The following NRXN1 variants were observed in gnomAD, a reference collection of about 807,000 sequenced individuals.
NRXN1 encodes neurexin 1.
Under a neutral mutation model 150.9 loss-of-function variants are expected in NRXN1, and 39 were observed. That is an observed-to-expected ratio of 0.26 (90% CI 0.20 to 0.34). The LOEUF (loss-of-function observed/expected upper bound fraction) is 0.34. NRXN1 is among the 10% of genes least tolerant of loss of function. The pLI is 1.00. For synonymous variants in NRXN1, 924 were observed against 757.0 expected (o/e 1.22, Z -3.62); for missense variants, 1,815 against 1,949.9 (o/e 0.93, Z 1.30).
At chr2:50,676,063 G>T (rs773098804) in intron 5 of NRXN1, among the ~76,000 whole-genome samples, 1 of 152,114 alleles carries the variant, frequency 6.6e-6, no homozygotes, top group Admixed American at 6.6e-5. Flanking sequence ...TAGGTGTTTG[G>T]GTCATGGGGG....
chr2:50,373,669 A>AAGAAAGAAG lies in NRXN1; in HGVS notation c.3364+91772_3364+91773insCTTCTTTCT, dbSNP rs1156301635. ...AAGAAAGAAAGAAAGAAAGAAAGAA[A>AAGAAAGAAG]GAAAGAAAGAAAAGAAAGAAGGAAA... On this transcript the variant is annotated intron_variant, in intron 17 of 22. Transcript: ENST00000401669. Among the ~76,000 whole-genome samples the AAGAAAGAAG allele has an allele frequency of 2.4e-3, 273 of 114,378 alleles. 1 individual carries two copies. Among genetic ancestry groups the AAGAAAGAAG allele is most frequent in the African/African-American group, 8.8e-3 (224 of 25,376 alleles). The allele number at this position is 114,378 out of a possible 152,430, so 75.0% of individuals were successfully genotyped here.
rs1427036726 is a variant in NRXN1 at position 50,329,646 on chromosome 2, TATATATATATATATATATATATATATA to T, written c.3365-92703_3365-92677del. Among the ~76,000 whole-genome samples, 38 of 7,692 alleles carry T rather than the reference TATATATATATATATATATATATATATA, an allele frequency of 4.9e-3. 2 individuals are homozygous for T. The East Asian group carries it at 0.05, about 10-fold the overall frequency. 5.0% of individuals were successfully genotyped at this position (7,692 alleles called of 152,430 possible). On this transcript the variant is annotated intron_variant, in intron 17 of 22. Coordinates refer to ENST00000401669, the MANE Select transcript of NRXN1 (RefSeq NM_001330078.2). ...ATATATATATATATATATATATATA[TATATATATATATATATATATATATATA>T]TTTTTTTTTTTCCCCCCCGAGACGG...
chr2:50,776,331 T>C (rs950074723), intron 5 of NRXN1, among the ~76,000 whole-genome samples: 5 of 152,086 alleles, frequency 3.3e-5, no homozygotes, highest in Admixed American at 6.6e-5. Flanking sequence ...CATGTTATCA[T>C]TTATATAGAA....
At chr2:50,126,525 T>C (rs1704615399) in intron 18 of NRXN1, among the ~76,000 whole-genome samples, 2 of 152,218 alleles carry the variant, frequency 1.3e-5, no homozygotes, top group African/African-American at 4.8e-5. Flanking sequence ...GCAAGTAAGA[T>C]ATAATAGAAG....
At chr2:50,190,936 G>A (rs746394907) in intron 18 of NRXN1, among the ~76,000 whole-genome samples, 1 of 152,038 alleles carries the variant, frequency 6.6e-6, no homozygotes, top group Non-Finnish European at 1.5e-5. Context: ...ATTTTAAAGT[G>A]TTAACACAAT....
intron 22 of NRXN1, among the ~76,000 whole-genome samples, chr2:49,939,600 G>A (rs1465470436): frequency 4.6e-5 from 7 of 152,138 alleles, no homozygotes; most frequent in African/African-American, 1.7e-4. Flanking sequence ...GTTTTAACAT[G>A]CACAGTTCCC....
chr2:50,096,847 T>C (rs1700295254), intron 18 of NRXN1, among the ~76,000 whole-genome samples: 1 of 152,242 alleles, frequency 6.6e-6, no homozygotes, highest in African/African-American at 2.4e-5. Context: ...AGTGGCACCA[T>C]AGTTTAATGC....
At chr2:50,536,913 G>T (rs1267061655) in intron 10 of NRXN1, among the ~76,000 whole-genome samples, 2 of 152,154 alleles carry the variant, frequency 1.3e-5, no homozygotes, top group Non-Finnish European at 2.9e-5. Context: ...CTATCATAAA[G>T]AGAATGAATA....
chr2:50,973,633 G>C (rs554781345), intron 2 of NRXN1, among the ~76,000 whole-genome samples: 33 of 151,892 alleles, frequency 2.2e-4, no homozygotes, highest in African/African-American at 8.0e-4. Context: ...ACACTCAAGC[G>C]ACAAATAAAA....
chr2:50,654,885 C>A (rs1208370574), intron 5 of NRXN1, among the ~76,000 whole-genome samples: 1 of 151,988 alleles, frequency 6.6e-6, no homozygotes, highest in East Asian at 1.9e-4. Context: ...TATAGTGATT[C>A]CATTCAAAGG....
intron 17 of NRXN1, among the ~76,000 whole-genome samples, chr2:50,303,309 G>C (rs2074331645): frequency 6.6e-6 from 1 of 152,086 alleles, no homozygotes; most frequent in African/African-American, 2.4e-5. Context: ...CTGGACAAAA[G>C]AATGTTACTT....
intron 2 of NRXN1, among the ~76,000 whole-genome samples, chr2:50,951,281 A>G (rs1691289561): frequency 6.6e-6 from 1 of 152,162 alleles, no homozygotes; most frequent in East Asian, 1.9e-4. Context: ...ATGCATATGC[A>G]TATATGGATT....
chr2:50,975,843 C>T (rs1386387512), intron 2 of NRXN1, among the ~76,000 whole-genome samples: 2 of 151,986 alleles, frequency 1.3e-5, no homozygotes, highest in Non-Finnish European at 2.9e-5. Flanking sequence ...GAAGGGCTAA[C>T]CCAAGAGCAG....
rs114150315 is a variant in NRXN1, at chr2:50,222,190, G to A, written c.3546+14599C>T. Among the ~76,000 whole-genome samples, 519 of 152,056 alleles carry A rather than the reference G, an allele frequency of 3.4e-3. 2 individuals carry two copies. Among genetic ancestry groups the A allele is most frequent in the Non-Finnish European group, 5.3e-3 (361 of 67,960 alleles). Reference sequence around the variant, plus strand: ...AAGCCACATTTTACTGAAAAGAGCCGCATGCTTCATGAAATAGTTATCCAA... The same window carrying A: ...AAGCCACATTTTACTGAAAAGAGCCACATGCTTCATGAAATAGTTATCCAA... On this transcript the variant is annotated intron_variant, in intron 18 of 22. Transcript: ENST00000401669.
intron 17 of NRXN1, among the ~76,000 whole-genome samples, chr2:50,446,596 C>T (rs1293413232): frequency 7.1e-6 from 1 of 141,164 alleles, no homozygotes; most frequent in Non-Finnish European, 1.5e-5. Context: ...CTTCCTTCCT[C>T]CCTCCCTCCC....
At chr2:50,974,174 T>C (rs1695471123) in intron 2 of NRXN1, among the ~76,000 whole-genome samples, 1 of 152,198 alleles carries the variant, frequency 6.6e-6, no homozygotes, top group South Asian at 2.1e-4. Context: ...TCTCATGATG[T>C]GAATACAGTT....
chr2:50,331,279 T>C (rs2076818624), intron 17 of NRXN1, among the ~76,000 whole-genome samples: 1 of 152,124 alleles, frequency 6.6e-6, no homozygotes, highest in Admixed American at 6.5e-5. Context: ...TAAGAGATTT[T>C]TTACCTTAAA....
Position 50,964,621 on chromosome 2 carries a change from A to G in NRXN1, c.773-38666T>C, listed in dbSNP as rs912267948. ...AAGAAAGCACTACAAATTTCTTTTGAGAAACACGCTTCAGTACAATTCATT... is the reference window on the plus strand; with the variant it reads ...AAGAAAGCACTACAAATTTCTTTTGGGAAACACGCTTCAGTACAATTCATT... On this transcript the variant is annotated intron_variant, in intron 2 of 22. Transcript: ENST00000401669. Among the ~76,000 whole-genome samples, 28 of 151,466 alleles carry G rather than the reference A, an allele frequency of 1.8e-4. 1 individual carries two copies. Among genetic ancestry groups the G allele is most frequent in the Admixed American group, 1.5e-3 (23 of 15,144 alleles).
chr2:50,293,073 G>C (rs146257191), intron 17 of NRXN1, among the ~76,000 whole-genome samples: 1 of 152,094 alleles, frequency 6.6e-6, no homozygotes, highest in Non-Finnish European at 1.5e-5. Flanking sequence ...CATACCCCAA[G>C]TCTTTCTGAT....
Sources: gnomAD v4.1 joint callset for allele counts (sites outside exome capture counted in the v4.1 genomes callset) on GRCh38, gnomAD v4.1.1 for gene constraint, MANE v1.5 for transcripts, NCBI Gene and HGNC (gene_info 2026-07-23, HGNC 2026-07-21) for gene names.